GRM5: variants seen among roughly 807,000 people sequenced by gnomAD.
GRM5 encodes the protein metabotropic glutamate receptor 5.
A neutral mutation model predicts 83.1 loss-of-function variants in GRM5; 19 were observed. That is an observed-to-expected ratio of 0.23 (90% confidence interval 0.16 to 0.34). The LOEUF is 0.34. Ranked by LOEUF, GRM5 falls within the 10% of genes least tolerant of loss-of-function variation. The probability of loss-of-function intolerance (pLI) is 1.00; values close to 1 mark genes in which losing one functional copy is unlikely to be tolerated. For missense variants in GRM5, 1,160 were observed against 1,588.3 expected, an observed-to-expected ratio of 0.73 and a Z score of 4.58; for synonymous variants, 675 against 633.6, an observed-to-expected ratio of 1.07 and a Z score of -0.98.
At chr11:88,729,542 G>A (rs1941759375) in intron 3 of GRM5, among the ~76,000 whole-genome samples, 1 of 152,074 alleles carries the variant, frequency 6.6e-6, no homozygotes, top group Non-Finnish European at 1.5e-5. Flanking sequence ...AAATTCATAT[G>A]GAACCATAAA....
At chr11:88,605,884 T>C (rs1330627369) in intron 4 of GRM5, among the ~76,000 whole-genome samples, 1 of 152,162 alleles carries the variant, frequency 6.6e-6, no homozygotes, top group African/African-American at 2.4e-5. Flanking sequence ...GACATCATGC[T>C]GAACAAGAAA....
chr11:88,752,185 A>T (rs945390999), intron 3 of GRM5, among the ~76,000 whole-genome samples: 4 of 152,208 alleles, frequency 2.6e-5, no homozygotes, highest in Non-Finnish European at 5.9e-5. Context: ...AGATGATGTG[A>T]TCCTATATAT....
chr11:88,913,739 C>G (rs1276107207), intron 2 of GRM5, among the ~76,000 whole-genome samples: 1 of 151,872 alleles, frequency 6.6e-6, no homozygotes, highest in Non-Finnish European at 1.5e-5. Context: ...AGCATGTGCT[C>G]CCATGCCAGG....
intron 3 of GRM5, among the ~76,000 whole-genome samples, chr11:88,698,026 T>A (rs2135368757): frequency 6.6e-6 from 1 of 152,314 alleles, no homozygotes; most frequent in Non-Finnish European, 1.5e-5. Flanking sequence ...ATCCATGCTA[T>A]CATCATCTTT....
At chr11:88,834,374 T>G (rs1160032012) in intron 3 of GRM5, among the ~76,000 whole-genome samples, 1 of 152,174 alleles carries the variant, frequency 6.6e-6, no homozygotes, top group South Asian at 2.1e-4. Flanking sequence ...TGAGAGAATC[T>G]CTATAAATCA....
At chr11:88,810,447 C>G (rs865948948) in intron 3 of GRM5, among the ~76,000 whole-genome samples, 1 of 151,986 alleles carries the variant, frequency 6.6e-6, no homozygotes, top group Non-Finnish European at 1.5e-5. Flanking sequence ...CATGAAGAAA[C>G]AGCTGAGAAA....
chr11:88,844,426 T>C (rs1296252589), intron 3 of GRM5, among the ~76,000 whole-genome samples: 2 of 151,478 alleles, frequency 1.3e-5, no homozygotes, highest in African/African-American at 4.9e-5. Flanking sequence ...AAAATACTAC[T>C]GCTAATAATT....
At chr11:88,610,070 A>C (rs1219874600) in intron 4 of GRM5, among the ~76,000 whole-genome samples, 1 of 152,040 alleles carries the variant, frequency 6.6e-6, no homozygotes, top group East Asian at 1.9e-4. Flanking sequence ...TCTGGGTTCT[A>C]TATTCTGTTT....
At chr11:88,994,792 G>C (rs1214471107) in intron 2 of GRM5, among the ~76,000 whole-genome samples, 1 of 151,832 alleles carries the variant, frequency 6.6e-6, no homozygotes, top group Non-Finnish European at 1.5e-5. Flanking sequence ...CCAAGGACTG[G>C]TGGGGGTTGA....
chr11:88,664,066 A>G (rs1025520407), intron 3 of GRM5, among the ~76,000 whole-genome samples: 1 of 152,196 alleles, frequency 6.6e-6, no homozygotes, highest in African/African-American at 2.4e-5. Context: ...GTAACATTGT[A>G]CTTGCTAAGT....
At chr11:88,754,653 G>T (rs1326067930) in intron 3 of GRM5, among the ~76,000 whole-genome samples, 1 of 152,042 alleles carries the variant, frequency 6.6e-6, no homozygotes, top group Non-Finnish European at 1.5e-5. Context: ...AAAATTTACA[G>T]TTATTGGGTA....
intron 2 of GRM5, among the ~76,000 whole-genome samples, chr11:88,947,962 T>C (rs185571260): frequency 1.3e-5 from 2 of 152,252 alleles, no homozygotes; most frequent in East Asian, 3.9e-4. Context: ...AGCGGTTGGC[T>C]TTCAAATGTG....
intron 7 of GRM5, among the ~76,000 whole-genome samples, chr11:88,581,349 T>A (rs1043400579): frequency 6.6e-6 from 1 of 152,242 alleles, no homozygotes; most frequent in African/African-American, 2.4e-5. Context: ...TAGTTACTAC[T>A]GTTATCTCAA....
intron 3 of GRM5, among the ~76,000 whole-genome samples, chr11:88,763,931 G>A (rs1413718161): frequency 1.3e-5 from 2 of 151,604 alleles, no homozygotes; most frequent in Non-Finnish European, 3.0e-5. Context: ...GAGATTGGCA[G>A]AATGAACAAA....
intron 3 of GRM5, among the ~76,000 whole-genome samples, chr11:88,748,931 C>T (rs542637383): frequency 6.6e-6 from 1 of 152,052 alleles, no homozygotes; most frequent in African/African-American, 2.4e-5. Flanking sequence ...CCACAGAAAC[C>T]CCATTCAAAG....
intron 3 of GRM5, among the ~76,000 whole-genome samples, chr11:88,835,550 C>T (rs904538748): frequency 7.9e-5 from 12 of 151,886 alleles, no homozygotes; most frequent in Admixed American, 3.3e-4. Context: ...TGCCAAATTA[C>T]GGAGTGGAAT....
At chr11:88,749,682 A>G (rs1369670894) in intron 3 of GRM5, among the ~76,000 whole-genome samples, 3 of 152,106 alleles carry the variant, frequency 2.0e-5, no homozygotes, top group African/African-American at 7.2e-5. Context: ...AATATTAAGG[A>G]CAGCCGGAGA....
chr11:88,611,900 C>T (rs904307646), intron 4 of GRM5, among the ~76,000 whole-genome samples: 2 of 151,920 alleles, frequency 1.3e-5, no homozygotes, highest in South Asian at 2.1e-4. Context: ...TAGCTATGTC[C>T]CACAGATTTT....
At chr11:88,812,271 A>G (rs1182137107) in intron 3 of GRM5, among the ~76,000 whole-genome samples, 2 of 140,314 alleles carry the variant, frequency 1.4e-5, no homozygotes, top group Non-Finnish European at 3.0e-5. Flanking sequence ...GAGGCTCTGA[A>G]GAGGCCCCCA....
Sources: gnomAD v4.1 joint callset for allele counts (sites outside exome capture counted in the v4.1 genomes callset) on GRCh38, gnomAD v4.1.1 for gene constraint, MANE v1.5 for transcripts, NCBI Gene and HGNC (gene_info 2026-07-23, HGNC 2026-07-21) for gene names.